The following PLEKHA2 variants were observed in gnomAD, a reference collection of about 807,000 sequenced individuals.
The protein encoded by PLEKHA2 is pleckstrin homology domain-containing family A member 2.
A neutral mutation model predicts 53.2 loss-of-function variants in PLEKHA2; 28 were observed. The observed-to-expected ratio is 0.53, with a 90% CI of 0.39 to 0.72. The LOEUF is 0.72. Among genes scored for constraint, PLEKHA2 ranks in the 30% least tolerant of loss-of-function variants. The pLI is 0.00. For missense variants in PLEKHA2, 426 were observed against 537.9 expected, an observed-to-expected ratio of 0.79 and a Z score of 2.06; for synonymous variants, 193 against 196.4, an observed-to-expected ratio of 0.98 and a Z score of 0.14.
Position 38,969,509 on chromosome 8 carries a change from G to A in PLEKHA2, c.1004G>A (p.Arg335Gln), listed in dbSNP as rs376761444. 4.0e-5 allele frequency: 65 copies of A among 1,613,436 alleles called. No individual in the cohort carries two copies. The highest frequency in any genetic ancestry group is 3.3e-4 in the Middle Eastern group (2 of 6,082). The change falls in exon 12 of 12, where the codon CGG (arginine) becomes CAG (glutamine). Residue 335 changes from arginine to glutamine, a missense_variant. Arg to Gln is a conservative substitution (Grantham distance 43, BLOSUM62 1). Coordinates refer to ENST00000617275, the MANE Select transcript of PLEKHA2 (RefSeq NM_021623.2). The stretch of plus-strand genomic sequence containing the variant: ...CCCAACTCTATCCTGTGCAGGGGGC[G>A]GCCACCTTTGGAGGAAAAGAAAGCC... ...SGPNSILCRG[R>Q]PPLEEKKALC...
chr8:38,902,630 C>T (rs1833809284), intron 1 of PLEKHA2, among the ~76,000 whole-genome samples: 1 of 152,166 alleles, frequency 6.6e-6, no homozygotes, highest in African/African-American at 2.4e-5. Context: ...GACCAAGTCC[C>T]ATTTTCCCTT....
chr8:38,957,204 G>T, intron 9 of PLEKHA2, 119 bp from the exon 10 acceptor site: 1 of 700,822 alleles, frequency 1.4e-6, no homozygotes. Flanking sequence ...AGAATGGCTT[G>T]GAACCACCCC....
At chr8:38,940,652 G>C (rs1030007927) in intron 3 of PLEKHA2, among the ~76,000 whole-genome samples, 4 of 31,906 alleles carry the variant, frequency 1.3e-4, no homozygotes, top group Non-Finnish European at 1.8e-4. Context: ...TGAAGGGGCG[G>C]GGGGGGGGGG....
At chr8:38,919,091 C>T (rs1834134134) in intron 2 of PLEKHA2, among the ~76,000 whole-genome samples, 1 of 152,234 alleles carries the variant, frequency 6.6e-6, no homozygotes. Context: ...CTTCTTTGGT[C>T]TCCTGACTCA....
chr8:38,940,314 G>A (rs1221349521), intron 3 of PLEKHA2, among the ~76,000 whole-genome samples: 4 of 151,992 alleles, frequency 2.6e-5, no homozygotes, highest in East Asian at 1.9e-4. Context: ...CAGGAGAATC[G>A]CTTGAACCTG....
chr8:38,923,653 C>A (rs560009877), intron 2 of PLEKHA2, among the ~76,000 whole-genome samples: 2 of 152,122 alleles, frequency 1.3e-5, no homozygotes, highest in Non-Finnish European at 1.5e-5. Context: ...CTTCAGTGAA[C>A]AAGACAGTCT....
intron 2 of PLEKHA2, 34 bp from the exon 3 acceptor site, chr8:38,935,959 CA>C: frequency 6.2e-7 from 1 of 1,606,242 alleles, no homozygotes; most frequent in African/African-American, 1.3e-5. Context: ...GCTGTTTCCA[CA>C]GCCTTCTTAA....
In PLEKHA2 at chr8:38,969,771, C is replaced by T. The variant is rs762970481; in HGVS notation, c.1266C>T (p.Thr422=). 1 of 1,425,592 alleles carries T rather than the reference C, an allele frequency of 7.0e-7. No homozygotes were observed. 88.3% of individuals were successfully genotyped at this position (1,425,592 alleles called of 1,614,324 possible). ...ACCTTGATGATGAAAACATACGGAC[C>T]TCTGATGTGTGATGGAGCACAGTGC... ...MFNLDDENIR[T]SDV is the part of the protein sequence containing the mutation. The change falls in exon 12 of 12, where the codon ACC becomes ACT. Residue 422 remains threonine (T), a synonymous_variant. Transcript: ENST00000617275.
chr8:38,950,621 T>C (rs1419047401), intron 5 of PLEKHA2: 4 of 413,836 alleles, frequency 9.7e-6, no homozygotes, highest in Admixed American at 4.2e-5. Context: ...GGCTCATAAG[T>C]AGGCGCTCAA....
intron 10 of PLEKHA2, among the ~76,000 whole-genome samples, chr8:38,960,288 A>G (rs746313811): frequency 2.6e-4 from 40 of 152,330 alleles, no homozygotes; most frequent in Non-Finnish European, 4.4e-4. Flanking sequence ...TAGATTAAAA[A>G]TCACTTAAAA....
intron 10 of PLEKHA2, among the ~76,000 whole-genome samples, chr8:38,964,851 CCTTTTTT>C (rs1835104921): frequency 9.7e-6 from 1 of 103,530 alleles, no homozygotes; most frequent in Non-Finnish European, 2.0e-5. Context: ...TTGTTACTTC[CCTTTTTT>C]TTTTTTTTTT....
intron 3 of PLEKHA2, among the ~76,000 whole-genome samples, chr8:38,941,486 T>C (rs1285133363): frequency 6.6e-6 from 1 of 152,248 alleles, no homozygotes; most frequent in African/African-American, 2.4e-5. Flanking sequence ...ATGTAGGCAT[T>C]CAATTAAATG....
intron 1 of PLEKHA2, among the ~76,000 whole-genome samples, chr8:38,906,946 G>C (rs939276359): frequency 1.3e-5 from 2 of 152,194 alleles, no homozygotes; most frequent in African/African-American, 4.8e-5. Flanking sequence ...CCTGTCTGCT[G>C]TATTTCATAC....
chr8:38,972,912 A>G lies in PLEKHA2; in HGVS notation c.*3129A>G, dbSNP rs1835278636. On this transcript the variant is annotated 3_prime_UTR_variant, in exon 12 of 12. Transcript: ENST00000617275. ...AACAGTATTTCAGGTGGTCCTCCCC[A>G]TGGCTGAATAATGCCATCCATTATT... The G allele has an allele frequency of 1.3e-5, 2 of 152,124 alleles. No homozygotes were observed. Among genetic ancestry groups the G allele is most frequent in the Admixed American group, 1.3e-4 (2 of 15,268 alleles). 9.4% of individuals were successfully genotyped at this position (152,124 alleles called of 1,614,324 possible). A position where few individuals can be genotyped will look rare whatever the true frequency, so the allele number is the denominator to read the frequency against.
At chr8:38,944,221 G>C (rs62504401) in intron 4 of PLEKHA2, among the ~76,000 whole-genome samples, 27,713 of 151,960 alleles carry the variant, frequency 0.18, 2,787 homozygotes, top group East Asian at 0.4. Context: ...AATTTAAAAA[G>C]AGAACAGGTT....
At chr8:38,954,891 G>A (rs766032119) in intron 9 of PLEKHA2, among the ~76,000 whole-genome samples, 9 of 151,948 alleles carry the variant, frequency 5.9e-5, no homozygotes, top group East Asian at 1.9e-4. Context: ...AAAATTAGCC[G>A]GGCATGGTGG....
intron 10 of PLEKHA2, among the ~76,000 whole-genome samples, chr8:38,967,051 ACTTT>A (rs374015113): frequency 2.8e-5 from 4 of 144,182 alleles, no homozygotes; most frequent in African/African-American, 7.7e-5. Context: ...GTGGTATTTG[ACTTT>A]CTGTGTCTGA....
At chr8:38,943,082 A>G (rs1834641018) in intron 3 of PLEKHA2, among the ~76,000 whole-genome samples, 1 of 152,108 alleles carries the variant, frequency 6.6e-6, no homozygotes, top group Non-Finnish European at 1.5e-5. Flanking sequence ...AGCTTGGAGA[A>G]CGATTTAGGG....
chr8:38,934,941 T>A (rs1381898469), intron 2 of PLEKHA2, among the ~76,000 whole-genome samples: 1 of 152,088 alleles, frequency 6.6e-6, no homozygotes, highest in African/African-American at 2.4e-5. Context: ...ACAAAAACTA[T>A]AACAGCTCAC....
Sources: gnomAD v4.1 joint callset for allele counts (sites outside exome capture counted in the v4.1 genomes callset) on GRCh38, gnomAD v4.1.1 for gene constraint, MANE v1.5 for transcripts, NCBI Gene and HGNC (gene_info 2026-07-23, HGNC 2026-07-21) for gene names.